Variants in PCDHGA5 observed in about 807,000 individuals in gnomAD.
PCDHGA5 encodes the protein protocadherin gamma-A5.
In PCDHGA5, 36 loss-of-function variants were observed where a neutral mutation model predicts 56.7. The ratio of observed to expected loss-of-function variants is 0.64; its 90% CI spans 0.49 to 0.84. The LOEUF (loss-of-function observed/expected upper bound fraction) is 0.84. Among genes scored for constraint, PCDHGA5 ranks in the 40% least tolerant of loss-of-function variants. The pLI, the probability that PCDHGA5 is intolerant of heterozygous loss-of-function variation, is 0.00. For synonymous variants in PCDHGA5, 563 were observed against 520.2 expected (o/e 1.08, Z -1.12); for missense variants, 1,305 against 1,201.5 (o/e 1.09, Z -1.27).
At chr5:141,393,335 C>T (rs764386599) in intron 1 of PCDHGA5, 1 of 1,613,458 alleles carries the variant, frequency 6.2e-7, no homozygotes, top group South Asian at 1.1e-5. Flanking sequence ...AGCTCAGCCC[C>T]AATCACCACT....
At chr5:141,403,223 G>C (rs1414315950) in intron 1 of PCDHGA5, 2 of 1,613,968 alleles carry the variant, frequency 1.2e-6, no homozygotes, top group Non-Finnish European at 8.5e-7. Flanking sequence ...GGGTAGGATA[G>C]ACCGGGAGGA....
At position 141,487,946 on chromosome 5, in the gene PCDHGA5, C is replaced by G. The variant is rs187890859; in HGVS notation, c.2422-6861C>G. 7.9e-5 allele frequency among the ~76,000 whole-genome samples: 12 copies of G among 152,298 alleles called. No homozygotes were observed. The highest frequency in any genetic ancestry group is 7.8e-4 in the Admixed American group (12 of 15,304). Reference sequence around the variant, plus strand: ...AGTGCACAGGGTACAGTGCACCAGGCAGTCACTTGGACAAAGGTGGCTGTT... The same window carrying G: ...AGTGCACAGGGTACAGTGCACCAGGGAGTCACTTGGACAAAGGTGGCTGTT... On this transcript the variant is annotated intron_variant, in intron 1 of 3. Transcript: ENST00000518069. The surrounding 1 kb of genome is among the most constrained non-coding windows in gnomAD (Gnocchi z 5.0).
At chr5:141,384,987 G>A (rs775895766) in intron 1 of PCDHGA5, 14 of 1,614,114 alleles carry the variant, frequency 8.7e-6, no homozygotes, top group Non-Finnish European at 1.1e-5. Flanking sequence ...TGGTGGTGGC[G>A]GTGGCCACAG....
Position 141,399,470 on chromosome 5 carries a change from T to C in PCDHGA5, c.2421+32719T>C, listed in dbSNP as rs773359741. 70 of 1,614,018 alleles carry C rather than the reference T, an allele frequency of 4.3e-5. No individual in the cohort carries two copies. The Middle Eastern group carries it at 4.9e-4, about 11-fold the overall frequency. On this transcript the variant is annotated intron_variant, in intron 1 of 3. Coordinates refer to ENST00000518069, the MANE Select transcript of PCDHGA5 (RefSeq NM_018918.3). ...GACGTCAACGATAACGCTCCGGTTT[T>C]CCACCAGGCGTCCTACTTAGTCAGT... is the stretch of plus-strand genomic sequence containing the variant.
At position 141,398,050 on chromosome 5, in the gene PCDHGA5, T is replaced by C. The variant is rs558695876; in HGVS notation, c.2421+31299T>C. Reference sequence around the variant, plus strand: ...ACTGGAACTAAAGCCCGTTCGGAGATCCAAAAATCTACAATACAGAGGTTA... The same window carrying C: ...ACTGGAACTAAAGCCCGTTCGGAGACCCAAAAATCTACAATACAGAGGTTA... On this transcript the variant is annotated intron_variant, in intron 1 of 3. Coordinates refer to ENST00000518069, the MANE Select transcript of PCDHGA5 (RefSeq NM_018918.3). 12 of 1,510,524 alleles carry C rather than the reference T, an allele frequency of 7.9e-6. No individual in the cohort carries two copies. The African/African-American group carries it at 1.1e-4, about 14-fold the overall frequency. 93.6% of individuals were successfully genotyped at this position (1,510,524 alleles called of 1,614,324 possible). A position where few individuals can be genotyped will look rare whatever the true frequency, so the allele number is the denominator to read the frequency against.
chr5:141,432,281 A>C lies in PCDHGA5; in HGVS notation c.2422-62526A>C, dbSNP rs1313887209. 1 of 1,614,188 alleles carries C rather than the reference A, an allele frequency of 6.2e-7. No individual in the cohort carries two copies. The highest frequency in any genetic ancestry group is 1.1e-5 in the South Asian group (1 of 91,084). On this transcript the variant is annotated intron_variant, in intron 1 of 3. Coordinates refer to ENST00000518069, the MANE Select transcript of PCDHGA5 (RefSeq NM_018918.3). The surrounding 1 kb of genome is among the most constrained non-coding windows in gnomAD (Gnocchi z 6.0). The stretch of plus-strand genomic sequence containing the variant: ...AAGCCTATCGTCCTACGTGTCCATC[A>C]ACTCCGACACTGGGGTACTGTATGC...
intron 1 of PCDHGA5, chr5:141,408,313 T>G (rs375849626): frequency 6.2e-7 from 1 of 1,613,758 alleles, no homozygotes; most frequent in African/African-American, 1.3e-5. Flanking sequence ...GCTACTCGAT[T>G]CCGGAGGAGC....
At chr5:141,451,151 A>AT (rs1324071351) in intron 1 of PCDHGA5, among the ~76,000 whole-genome samples, 2 of 152,190 alleles carry the variant, frequency 1.3e-5, no homozygotes, top group Admixed American at 6.5e-5. Context: ...TAGACTAGAC[A>AT]TTTTTTTGGT....
At chr5:141,419,585 G>C (rs2096403161) in intron 1 of PCDHGA5, 8 of 1,611,776 alleles carry the variant, frequency 5.0e-6, no homozygotes, top group Non-Finnish European at 6.8e-6. Flanking sequence ...CGCGCTCTTC[G>C]ACACAGTGCC....
chr5:141,371,202 G>A, intron 1 of PCDHGA5: 2 of 1,614,036 alleles, frequency 1.2e-6, no homozygotes, highest in Non-Finnish European at 1.7e-6. Flanking sequence ...CATTGACATG[G>A]ATGAGGGCAT....
At chr5:141,478,735 G>T in intron 1 of PCDHGA5, 1 of 1,535,968 alleles carries the variant, frequency 6.5e-7, no homozygotes, top group Non-Finnish European at 8.8e-7. Flanking sequence ...AGTGTGGTTT[G>T]TGGTCCCATT....
intron 2 of PCDHGA5, among the ~76,000 whole-genome samples, chr5:141,495,720 G>A (rs1048453188): frequency 2.6e-5 from 4 of 152,080 alleles, no homozygotes; most frequent in Non-Finnish European, 5.9e-5. Context: ...GTAACTACAC[G>A]GGACCCTTAG....
chr5:141,422,414 A>G (rs2096646645), intron 1 of PCDHGA5: 1 of 1,604,894 alleles, frequency 6.2e-7, no homozygotes, highest in Admixed American at 1.7e-5. Context: ...TTTAAATTAG[A>G]AAAGACTTAT....
In PCDHGA5 at chr5:141,491,144, TGGA is replaced by T. The variant is rs757881044; in HGVS notation, c.2422-3659_2422-3657del. ...GAGGTGCGCACAGCCCGGGCCTTAC[TGGA>T]GGATGACTCTGACACCCAGCAGGTG... On this transcript the variant is annotated intron_variant, in intron 1 of 3. Coordinates refer to ENST00000518069, the MANE Select transcript of PCDHGA5 (RefSeq NM_018918.3). This position sits in a 1 kb window ranked among gnomAD's most constrained non-coding sequence, Gnocchi z 6.9. The T allele has an allele frequency of 1.2e-6, 2 of 1,614,158 alleles. No individual in the cohort carries two copies. The highest frequency in any genetic ancestry group is 2.2e-5 in the South Asian group (2 of 91,086).
chr5:141,381,826 C>CTTCTTT (rs1777532522), intron 1 of PCDHGA5, among the ~76,000 whole-genome samples: 105 of 74,288 alleles, frequency 1.4e-3, no homozygotes, highest in Non-Finnish European at 1.6e-3. Flanking sequence ...CTTTCTTCTT[C>CTTCTTT]TTTTTTTTTT....
intron 1 of PCDHGA5, chr5:141,405,386 T>C (rs2094651618): frequency 6.9e-6 from 11 of 1,595,500 alleles, no homozygotes; most frequent in Non-Finnish European, 7.7e-6. Flanking sequence ...GGTGAGTTCA[T>C]TTTTTTTCTT....
chr5:141,509,809 A>G (rs13163163), intron 3 of PCDHGA5, among the ~76,000 whole-genome samples: 35,240 of 151,962 alleles, frequency 0.23, 4,247 homozygotes, highest in Admixed American at 0.33. Context: ...CATAGAGCCG[A>G]GCTCTTCTCC....
chr5:141,394,966 G>T (rs758463890), intron 1 of PCDHGA5: 3 of 1,613,886 alleles, frequency 1.9e-6, no homozygotes, highest in Middle Eastern at 1.6e-4. Flanking sequence ...AGGCTGAGGC[G>T]CTGGCACAAG....
intron 1 of PCDHGA5, among the ~76,000 whole-genome samples, chr5:141,453,692 C>G (rs1182118927): frequency 6.6e-6 from 1 of 152,146 alleles, no homozygotes; most frequent in African/African-American, 2.4e-5. Flanking sequence ...GTAGGTAGTC[C>G]TGGCTTTGAA....
Sources: gnomAD v4.1 joint callset for allele counts (sites outside exome capture counted in the v4.1 genomes callset) on GRCh38, gnomAD v4.1.1 for gene constraint, Gnocchi (gnomAD v3.1) non-coding constraint, MANE v1.5 for transcripts, NCBI Gene and HGNC (gene_info 2026-07-23, HGNC 2026-07-21) for gene names.